MBD5: variants seen among roughly 807,000 people sequenced by gnomAD.
MBD5 encodes the protein methyl-CpG binding domain protein 5, also known as methyl-CpG-binding domain protein 5.
In MBD5, 13 loss-of-function variants were observed where a neutral mutation model predicts 117.3. That is an observed-to-expected ratio of 0.11 (90% CI 0.07 to 0.18). The LOEUF (loss-of-function observed/expected upper bound fraction) is 0.18. Ranked by LOEUF, MBD5 falls within the 10% of genes least tolerant of loss-of-function variation. MBD5 has a pLI of 1.00. For missense variants in MBD5, 1,879 were observed against 2,093.8 expected (o/e 0.90, Z 2.00); for synonymous variants, 727 against 766.4 (o/e 0.95, Z 0.85).
chr2:148,313,931 C>T (rs558133641), intron 3 of MBD5, among the ~76,000 whole-genome samples: 12 of 152,106 alleles, frequency 7.9e-5, no homozygotes, highest in Admixed American at 4.6e-4. Flanking sequence ...GGTGAGGCAA[C>T]GCCCCACCCT....
chr2:148,461,517 T>C (rs1015638311), intron 5 of MBD5, among the ~76,000 whole-genome samples: 52 of 152,226 alleles, frequency 3.4e-4, no homozygotes, highest in Non-Finnish European at 6.9e-4. Context: ...TAGAACAATC[T>C]GTGTCCAGTA....
chr2:148,090,938 T>A (rs1695925578), intron 1 of MBD5, among the ~76,000 whole-genome samples: 1 of 152,024 alleles, frequency 6.6e-6, no homozygotes, highest in Non-Finnish European at 1.5e-5. Context: ...ACTCTAAAGA[T>A]TTTTCCAAAA....
chr2:148,366,301 A>G (rs1703695176), intron 4 of MBD5, among the ~76,000 whole-genome samples: 1 of 151,252 alleles, frequency 6.6e-6, no homozygotes, highest in Non-Finnish European at 1.5e-5. Flanking sequence ...AACTATCAAT[A>G]AACTAGGTAT....
chr2:148,032,881 A>G (rs1232889311), intron 1 of MBD5, among the ~76,000 whole-genome samples: 5 of 152,206 alleles, frequency 3.3e-5, no homozygotes, highest in African/African-American at 1.2e-4. Context: ...AAATATAACC[A>G]GGTAGAAGTT....
intron 4 of MBD5, among the ~76,000 whole-genome samples, chr2:148,376,952 T>G (rs555473631): frequency 6.8e-6 from 1 of 146,554 alleles, no homozygotes; most frequent in African/African-American, 2.5e-5. Flanking sequence ...ACTTATTGAA[T>G]GCTTTCTAAG....
intron 4 of MBD5, among the ~76,000 whole-genome samples, chr2:148,437,864 T>C (rs917531570): frequency 6.6e-6 from 1 of 152,180 alleles, no homozygotes; most frequent in Non-Finnish European, 1.5e-5. Flanking sequence ...CCTAAGTCTT[T>C]TGATGAGATT....
intron 3 of MBD5, among the ~76,000 whole-genome samples, chr2:148,253,500 C>T (rs968705416): frequency 3.9e-5 from 6 of 152,230 alleles, no homozygotes; most frequent in Middle Eastern, 3.4e-3. Flanking sequence ...ACTGCAGGTT[C>T]GGTTTCAGAC....
Position 148,468,771 on chromosome 2 carries a change from T to C in MBD5, c.828T>C (p.Pro276=), listed in dbSNP as rs769836100. The C allele has an allele frequency of 6.2e-7, 1 of 1,613,922 alleles. No homozygotes were observed. The highest frequency in any genetic ancestry group is 8.5e-7 in the Non-Finnish European group (1 of 1,179,864). Residue 276 remains proline, a synonymous_variant, in exon 8 of 14, where the codon CCT becomes CCC. Coordinates refer to ENST00000642680, the MANE Select transcript of MBD5 (RefSeq NM_001378120.1). ...IHLNRTPLSP[P]SVMLHGSPVQ... is the part of the protein sequence containing the mutation. ...TGAATAGGACTCCTCTTTCTCCACCTTCAGTAATGCTACATGGTTCTCCTG... is the reference window on the plus strand; with the variant it reads ...TGAATAGGACTCCTCTTTCTCCACCCTCAGTAATGCTACATGGTTCTCCTG...
intron 3 of MBD5, among the ~76,000 whole-genome samples, chr2:148,333,059 C>T (rs1286292271): frequency 6.6e-6 from 1 of 151,866 alleles, no homozygotes; most frequent in Admixed American, 6.6e-5. Flanking sequence ...CTTTCTTGTT[C>T]CCTGAATATT....
intron 1 of MBD5, among the ~76,000 whole-genome samples, chr2:148,138,879 A>AT (rs142777852): frequency 0.025 from 3,777 of 152,286 alleles, 132 homozygotes; most frequent in African/African-American, 0.076. Context: ...TGGAAGAATG[A>AT]TAAACAATTG....
At chr2:148,212,283 C>A (rs2106015872) in intron 2 of MBD5, among the ~76,000 whole-genome samples, 1 of 152,286 alleles carries the variant, frequency 6.6e-6, no homozygotes. Flanking sequence ...TACTTTCTGT[C>A]TCTTTGGATT....
chr2:148,021,368 G>C lies in MBD5; in HGVS notation c.-1241G>C. ...TCCTACCCCCTCACCCCTCCAACTCGCCTCCCTCCCTCCACCCTCCTCCTC... is the reference window on the plus strand; with the variant it reads ...TCCTACCCCCTCACCCCTCCAACTCCCCTCCCTCCCTCCACCCTCCTCCTC... On this transcript the variant is annotated 5_prime_UTR_variant, in exon 1 of 14. Transcript: ENST00000642680. The C allele has an allele frequency of 7.6e-6, 3 of 392,176 alleles. No individual in the cohort carries two copies. The highest frequency in any genetic ancestry group is 1.5e-5 in the Non-Finnish European group (3 of 193,764). The allele number at this position is 392,176 out of a possible 1,614,324, so 24.3% of individuals were successfully genotyped here.
intron 6 of MBD5, 28 bp from the exon 7 acceptor site, chr2:148,463,711 T>G: frequency 1.2e-6 from 2 of 1,612,182 alleles, no homozygotes; most frequent in Non-Finnish European, 1.7e-6. Context: ...TACAGACATA[T>G]TCTAAACAAA....
Position 148,282,906 on chromosome 2 carries a change from C to G in MBD5, c.-680+49511C>G, listed in dbSNP as rs566666029. 2.6e-3 allele frequency among the ~76,000 whole-genome samples: 384 copies of G among 145,740 alleles called. 1 individual carries two copies. Among genetic ancestry groups the G allele is most frequent in the Admixed American group, 3.9e-3 (56 of 14,416 alleles). On this transcript the variant is annotated intron_variant, in intron 3 of 13. Coordinates refer to ENST00000642680, the MANE Select transcript of MBD5 (RefSeq NM_001378120.1). ...GACTTTTAAGACTTAACCGCCCCCC[C>G]CCATCAGATGCAATTATTAGTTGTC...
intron 1 of MBD5, among the ~76,000 whole-genome samples, chr2:148,174,449 A>G (rs574283421): frequency 4.6e-5 from 7 of 152,132 alleles, no homozygotes; most frequent in Non-Finnish European, 8.8e-5. Flanking sequence ...AAAAATAGAT[A>G]AAGGGGATTA....
At chr2:148,061,737 CTT>C (rs1695042164) in intron 1 of MBD5, among the ~76,000 whole-genome samples, 1 of 151,946 alleles carries the variant, frequency 6.6e-6, no homozygotes, top group Admixed American at 6.5e-5. Flanking sequence ...TCTATGAAAA[CTT>C]TTAAAGCTAT....
chr2:148,105,810 C>T lies in MBD5; in HGVS notation c.-924-72890C>T, dbSNP rs987129284. On this transcript the variant is annotated intron_variant, in intron 1 of 13. Transcript: ENST00000642680. ...CCTTCTTTTCCATATGAAGCATTTACGGCTATAAAATTAAAATTCTCATCA... is the reference window on the plus strand; with the variant it reads ...CCTTCTTTTCCATATGAAGCATTTATGGCTATAAAATTAAAATTCTCATCA... Among the ~76,000 whole-genome samples, 17 of 152,026 alleles carry T rather than the reference C, an allele frequency of 1.1e-4. No homozygotes were observed. The South Asian group carries it at 1.2e-3, about 11-fold the overall frequency.
intron 10 of MBD5, among the ~76,000 whole-genome samples, chr2:148,486,500 T>C (rs1033738988): frequency 6.6e-6 from 1 of 152,168 alleles, no homozygotes; most frequent in Middle Eastern, 3.2e-3. Context: ...CAAATTTGAA[T>C]AGATAAAAAT....
At chr2:148,423,303 C>CT (rs939600486) in intron 4 of MBD5, among the ~76,000 whole-genome samples, 11 of 148,652 alleles carry the variant, frequency 7.4e-5, no homozygotes, top group African/African-American at 9.9e-5. Context: ...AAAGAATTTT[C>CT]TTTTTTTTTT....
Sources: gnomAD v4.1 joint callset for allele counts (sites outside exome capture counted in the v4.1 genomes callset) on GRCh38, gnomAD v4.1.1 for gene constraint, MANE v1.5 for transcripts, NCBI Gene and HGNC (gene_info 2026-07-23, HGNC 2026-07-21) for gene names.